KCTD16: variants seen among roughly 807,000 people sequenced by gnomAD.
KCTD16 encodes the protein BTB/POZ domain-containing protein KCTD16.
A neutral mutation model predicts 33.2 loss-of-function variants in KCTD16; 13 were observed. The ratio of observed to expected loss-of-function variants is 0.39; its 90% CI spans 0.25 to 0.62. The LOEUF is 0.62. Ranked by LOEUF, KCTD16 falls within the 20% of genes least tolerant of loss-of-function variation. The pLI, the probability that KCTD16 is intolerant of heterozygous loss-of-function variation, is 0.50. For synonymous variants in KCTD16, 197 were observed against 195.3 expected, an observed-to-expected ratio of 1.01 and a Z score of -0.07; for missense variants, 441 against 525.1, an observed-to-expected ratio of 0.84 and a Z score of 1.57.
In KCTD16 at chr5:144,335,214, A is replaced by G. The variant is rs561096332; in HGVS notation, c.832+127668A>G. Among the ~76,000 whole-genome samples the G allele has an allele frequency of 2.6e-5, 4 of 152,360 alleles. No individual in the cohort carries two copies. In the East Asian group the frequency reaches 5.8e-4, roughly 22 times the overall value. On this transcript the variant is annotated intron_variant, in intron 3 of 3. Transcript: ENST00000512467. Reference sequence around the variant, plus strand: ...CATGACATAGCATCATACCTTAACTAGAAGACATGTTACTATTAATGATCT... The same window carrying G: ...CATGACATAGCATCATACCTTAACTGGAAGACATGTTACTATTAATGATCT...
chr5:144,319,073 A>G (rs1230471244), intron 3 of KCTD16, among the ~76,000 whole-genome samples: 2 of 152,086 alleles, frequency 1.3e-5, no homozygotes, highest in South Asian at 2.1e-4. Flanking sequence ...ATAGTTCCTG[A>G]TACATAGTAA....
Position 144,480,808 on chromosome 5 carries a change from T to C in KCTD16, c.*6694T>C, listed in dbSNP as rs1754690739. On this transcript the variant is annotated 3_prime_UTR_variant, in exon 4 of 4. Coordinates refer to ENST00000512467, the MANE Select transcript of KCTD16 (RefSeq NM_020768.4). ...TCCAGCCCACAATGTCAATAGTGCT[T>C]AGCTTGAGAAACTCTAAATTAAGCA... The C allele has an allele frequency of 6.6e-6, 1 of 151,926 alleles. No homozygotes were observed. The highest frequency in any genetic ancestry group is 2.4e-5 in the African/African-American group (1 of 41,390). 9.4% of individuals were successfully genotyped at this position (151,926 alleles called of 1,614,324 possible).
intron 3 of KCTD16, among the ~76,000 whole-genome samples, chr5:144,331,268 C>T (rs142072449): frequency 0.016 from 2,420 of 152,210 alleles, 36 homozygotes; most frequent in Middle Eastern, 0.034. Flanking sequence ...TTGCTTTAAG[C>T]TAAAAAGAAC....
intron 3 of KCTD16, among the ~76,000 whole-genome samples, chr5:144,340,239 A>G (rs541360988): frequency 6.6e-6 from 1 of 151,814 alleles, no homozygotes; most frequent in Non-Finnish European, 1.5e-5. Context: ...CGTCTCTACT[A>G]AAAATACAAA....
chr5:144,455,559 A>G (rs952194789), intron 3 of KCTD16, among the ~76,000 whole-genome samples: 4 of 152,216 alleles, frequency 2.6e-5, no homozygotes, highest in Admixed American at 2.0e-4. Context: ...GTTCAGTCTT[A>G]TTAAGCAATG....
At chr5:144,450,370 G>A (rs1337743391) in intron 3 of KCTD16, among the ~76,000 whole-genome samples, 2 of 152,078 alleles carry the variant, frequency 1.3e-5, no homozygotes, top group African/African-American at 4.8e-5. Context: ...TGTTGCAACA[G>A]CTATAGAAAA....
At chr5:144,330,146 C>T (rs1752315648) in intron 3 of KCTD16, among the ~76,000 whole-genome samples, 1 of 152,088 alleles carries the variant, frequency 6.6e-6, no homozygotes, top group African/African-American at 2.4e-5. Context: ...GGAGTGGTGG[C>T]TCACGCCTGT....
chr5:144,202,321 G>C (rs1753061308), intron 2 of KCTD16, among the ~76,000 whole-genome samples: 1 of 152,318 alleles, frequency 6.6e-6, no homozygotes, highest in South Asian at 2.1e-4. Context: ...TCTTGTTAAG[G>C]CACCAAACAG....
chr5:144,390,696 GC>G (rs1189411092), intron 3 of KCTD16, among the ~76,000 whole-genome samples: 7 of 151,814 alleles, frequency 4.6e-5, no homozygotes, highest in Admixed American at 4.6e-4. Context: ...CCCCCGACGG[GC>G]CCCGGTGTGT....
chr5:144,268,502 G>A (rs891841566), intron 3 of KCTD16, among the ~76,000 whole-genome samples: 6 of 152,162 alleles, frequency 3.9e-5, no homozygotes, highest in African/African-American at 1.4e-4. Context: ...TGCACAGAGA[G>A]AGGCACAGCC....
intron 3 of KCTD16, among the ~76,000 whole-genome samples, chr5:144,386,154 T>C (rs1301863620): frequency 1.3e-5 from 2 of 152,154 alleles, no homozygotes; most frequent in Non-Finnish European, 2.9e-5. Flanking sequence ...TAATCTTTAA[T>C]CTCTTCTTTT....
At chr5:144,225,744 T>C (rs957436818) in intron 3 of KCTD16, among the ~76,000 whole-genome samples, 3 of 152,204 alleles carry the variant, frequency 2.0e-5, no homozygotes, top group African/African-American at 7.2e-5. Context: ...ATGAAACCTA[T>C]GACTAACCTG....
intron 3 of KCTD16, among the ~76,000 whole-genome samples, chr5:144,401,352 A>G (rs1019951668): frequency 6.6e-6 from 1 of 152,242 alleles, no homozygotes; most frequent in Non-Finnish European, 1.5e-5. Context: ...GGAAAGGTGT[A>G]TCATCTCCTT....
At chr5:144,458,673 T>G (rs1235248763) in intron 3 of KCTD16, among the ~76,000 whole-genome samples, 2 of 152,178 alleles carry the variant, frequency 1.3e-5, no homozygotes, top group Admixed American at 6.5e-5. Flanking sequence ...AAAAACCTAA[T>G]GTACAAACCA....
At chr5:144,418,257 A>C (rs377494047) in intron 3 of KCTD16, among the ~76,000 whole-genome samples, 4 of 152,154 alleles carry the variant, frequency 2.6e-5, no homozygotes, top group African/African-American at 9.7e-5. Flanking sequence ...AGGCTTCCAC[A>C]GCGTGGAAGG....
At chr5:144,344,418 A>G (rs1241558188) in intron 3 of KCTD16, among the ~76,000 whole-genome samples, 1 of 145,350 alleles carries the variant, frequency 6.9e-6, no homozygotes, top group Non-Finnish European at 1.5e-5. Flanking sequence ...TGAACAGGCA[A>G]CCTACAAAAT....
chr5:144,409,918 G>A lies in KCTD16; in HGVS notation c.833-63742G>A, dbSNP rs572997598. On this transcript the variant is annotated intron_variant, in intron 3 of 3. Transcript: ENST00000512467. ...GGGGAGTTTTGTGAGACTGCCACAG[G>A]CAGGGCATCTAATGCGAATATGAGA... Among the ~76,000 whole-genome samples the A allele has an allele frequency of 2.0e-5, 3 of 152,282 alleles. No individual in the cohort carries two copies. In the South Asian group the frequency reaches 6.2e-4, roughly 32 times the overall value.
At chr5:144,253,731 C>A (rs4912665) in intron 3 of KCTD16, among the ~76,000 whole-genome samples, 33,865 of 151,872 alleles carry the variant, frequency 0.22, 4,179 homozygotes, top group Non-Finnish European at 0.28. Flanking sequence ...TTTTTCCTCT[C>A]CTGAAGTGTG....
At chr5:144,209,515 C>A (rs1753298487) in intron 3 of KCTD16, among the ~76,000 whole-genome samples, 1 of 152,114 alleles carries the variant, frequency 6.6e-6, no homozygotes, top group East Asian at 1.9e-4. Context: ...TTGTACCCAC[C>A]ATCTAGAGCT....
Sources: gnomAD v4.1 joint callset for allele counts (sites outside exome capture counted in the v4.1 genomes callset) on GRCh38, gnomAD v4.1.1 for gene constraint, MANE v1.5 for transcripts, NCBI Gene and HGNC (gene_info 2026-07-23, HGNC 2026-07-21) for gene names.